Variants in NRP2 observed in about 807,000 individuals in gnomAD.
NRP2 encodes the protein neuropilin-2.
In NRP2, 52 loss-of-function variants were observed where a neutral mutation model predicts 110.4. The ratio of observed to expected loss-of-function variants is 0.47; its 90% CI spans 0.38 to 0.59. NRP2 has a LOEUF of 0.59. Among genes scored for constraint, NRP2 ranks in the 20% least tolerant of loss-of-function variants. The pLI is 0.00. For synonymous variants in NRP2, 508 were observed against 468.9 expected (o/e 1.08, Z -1.08); for missense variants, 1,049 against 1,203.0 (o/e 0.87, Z 1.89).
intron 15 of NRP2, among the ~76,000 whole-genome samples, chr2:205,783,099 A>G (rs1017869450): frequency 1.3e-5 from 2 of 152,126 alleles, no homozygotes; most frequent in African/African-American, 4.8e-5. Context: ...AACCCATGTG[A>G]TCTCTATGCC....
At chr2:205,738,584 C>T (rs907602650) in intron 7 of NRP2, among the ~76,000 whole-genome samples, 1 of 152,170 alleles carries the variant, frequency 6.6e-6, no homozygotes, top group South Asian at 2.1e-4. Flanking sequence ...TGGCCCTAAC[C>T]TTCTTTCCTT....
chr2:205,758,770 TC>T (rs1400545349), intron 12 of NRP2, among the ~76,000 whole-genome samples: 2 of 152,230 alleles, frequency 1.3e-5, no homozygotes, highest in African/African-American at 4.8e-5. Flanking sequence ...ATTGTCTTTT[TC>T]TTGGAAGCTG....
At chr2:205,782,392 A>T (rs146162244) in intron 15 of NRP2, among the ~76,000 whole-genome samples, 1 of 152,336 alleles carries the variant, frequency 6.6e-6, no homozygotes, top group African/African-American at 2.4e-5. Flanking sequence ...CTGATGATAC[A>T]GGGAGGCTGC....
intron 2 of NRP2, among the ~76,000 whole-genome samples, chr2:205,712,523 C>T (rs1210007331): frequency 2.0e-5 from 3 of 152,144 alleles, no homozygotes; most frequent in Non-Finnish European, 4.4e-5. Flanking sequence ...ATTCCAAAGC[C>T]AGAAACTTCC....
At chr2:205,774,518 G>T (rs180719593) in intron 15 of NRP2, among the ~76,000 whole-genome samples, 1 of 152,336 alleles carries the variant, frequency 6.6e-6, no homozygotes, top group Non-Finnish European at 1.5e-5. Context: ...CCTTGTCAAA[G>T]CTCTGCCAAT....
In NRP2 at chr2:205,743,304, G is replaced by A. The variant is rs1204040908; in HGVS notation, c.1393G>A (p.Ala465Thr). 1 of 1,614,176 alleles carries A rather than the reference G, an allele frequency of 6.2e-7. No individual in the cohort carries two copies. The change falls in exon 9 of 17, where the codon GCC becomes ACC. Residue 465 changes from alanine to threonine, a missense_variant. Physicochemically the swap from Ala to Thr is moderately conservative, Grantham distance 58 (BLOSUM62 0). Transcript: ENST00000357785. Reference protein sequence around the residue: ...TQEYLWSPSAARLVSSRSGWF... With the variant: ...TQEYLWSPSATRLVSSRSGWF... The stretch of plus-strand genomic sequence containing the variant: ...GGAATACCTCTGGAGCCCCAGTGCA[G>A]CCCGCCTGGTTAGCAGCCGCTCGGG...
rs2105922835 is a variant in NRP2, at chr2:205,765,555, C to G, written c.2389C>G (p.Leu797Val). 2 of 1,612,962 alleles carry G rather than the reference C, an allele frequency of 1.2e-6. No homozygotes were observed. The highest frequency in any genetic ancestry group is 1.7e-4 in the Middle Eastern group (1 of 6,060). The change falls in exon 14 of 17, where the codon CTG becomes GTG. Residue 797 changes from leucine to valine, a missense_variant. Coordinates refer to ENST00000357785, the MANE Select transcript of NRP2 (RefSeq NM_003872.3). ...CATTCGGATAAGCACTGATGTCCCA[C>G]TGGAGAACTGCATGGGTATGTGAAT... ...DDIRISTDVP[L>V]ENCMEPISAF...
intron 2 of NRP2, among the ~76,000 whole-genome samples, chr2:205,708,875 C>A (rs2056741071): frequency 6.6e-6 from 1 of 152,116 alleles, no homozygotes; most frequent in Non-Finnish European, 1.5e-5. Flanking sequence ...CTGCAAACAG[C>A]CACTATTAAA....
At chr2:205,735,280 G>A (rs1243787042) in intron 7 of NRP2, among the ~76,000 whole-genome samples, 2 of 152,038 alleles carry the variant, frequency 1.3e-5, no homozygotes, top group Non-Finnish European at 2.9e-5. Context: ...AGGCTGCAAA[G>A]CTCACTGTCC....
In NRP2 at chr2:205,776,292, C is replaced by A. The variant is rs2058096650; in HGVS notation, c.2425+9489C>A. ...CCGAGCCCACAGTGGACACGGTGCC[C>A]ATGCAGCCCATCCCAGCCTACTGGT... On this transcript the variant is annotated intron_variant, in intron 15 of 16. Transcript: ENST00000357785. 1.9e-6 allele frequency: 3 copies of A among 1,613,128 alleles called. No individual in the cohort carries two copies. The highest frequency in any genetic ancestry group is 2.5e-6 in the Non-Finnish European group (3 of 1,180,046).
intron 15 of NRP2, among the ~76,000 whole-genome samples, chr2:205,787,765 A>G (rs1286904127): frequency 6.6e-6 from 1 of 151,414 alleles, no homozygotes; most frequent in Non-Finnish European, 1.5e-5. Flanking sequence ...TCAGAGAAAG[A>G]GAGAGTGAGA....
At position 205,686,743 on chromosome 2, in the gene NRP2, G is replaced by C. The variant is rs551537081; in HGVS notation, c.73+3380G>C. ...TATGCGTTGCGGCTTCTGCGGCTCC[G>C]GCTGAATTTCTTCTAAAAGATAGGA... On this transcript the variant is annotated intron_variant, in intron 1 of 16. Transcript: ENST00000357785. This position sits in a 1 kb window ranked among gnomAD's most constrained non-coding sequence, Gnocchi z 4.7. 6.6e-6 allele frequency among the ~76,000 whole-genome samples: 1 copy of C among 152,072 alleles called. No individual in the cohort carries two copies. The highest frequency in any genetic ancestry group is 2.1e-4 in the South Asian group (1 of 4,822).
rs552244255 is a variant in NRP2, at chr2:205,744,860, G to A, written c.1642-886G>A. Among the ~76,000 whole-genome samples the A allele has an allele frequency of 9.2e-5, 14 of 152,316 alleles. No individual in the cohort carries two copies. The East Asian group carries it at 9.7e-4, about 11-fold the overall frequency. ...GCATCGATGGAGCAGAAGTTGGACC[G>A]CAGGCTTCCCCATGGAGAGCTGAGC... On this transcript the variant is annotated intron_variant, in intron 9 of 16. Coordinates refer to ENST00000357785, the MANE Select transcript of NRP2 (RefSeq NM_003872.3).
chr2:205,755,165 C>T (rs2057713874), intron 12 of NRP2, among the ~76,000 whole-genome samples: 1 of 152,174 alleles, frequency 6.6e-6, no homozygotes, highest in Admixed American at 6.5e-5. Flanking sequence ...TTGACCTTTG[C>T]TACTGGTTGG....
intron 1 of NRP2, among the ~76,000 whole-genome samples, chr2:205,695,630 G>A (rs1374035251): frequency 2.0e-5 from 3 of 152,178 alleles, no homozygotes; most frequent in Non-Finnish European, 2.9e-5. Flanking sequence ...TGAGTTGGTG[G>A]CAGGGCTGCA....
chr2:205,698,370 C>G (rs989056777), intron 2 of NRP2, among the ~76,000 whole-genome samples: 12 of 152,128 alleles, frequency 7.9e-5, no homozygotes, highest in Non-Finnish European at 1.5e-4. Flanking sequence ...TTACTTTGCA[C>G]AGTGGGCCCT....
chr2:205,769,505 TACACAC>T (rs56837273), intron 15 of NRP2, among the ~76,000 whole-genome samples: 126 of 145,206 alleles, frequency 8.7e-4, no homozygotes, highest in Middle Eastern at 3.4e-3. Context: ...TATACATACA[TACACAC>T]ACACACACAC....
rs991058870 is a variant in NRP2, at chr2:205,725,070, G to A, written c.821-843G>A. On this transcript the variant is annotated intron_variant, in intron 5 of 16. Coordinates refer to ENST00000357785, the MANE Select transcript of NRP2 (RefSeq NM_003872.3). The surrounding 1 kb of genome is among the most constrained non-coding windows in gnomAD (Gnocchi z 4.1). The stretch of plus-strand genomic sequence containing the variant: ...TCACCATATATATAACTACAGACAC[G>A]GCAGCCTGGCCTGCAGGAAGGTTGC... 4.6e-5 allele frequency among the ~76,000 whole-genome samples: 7 copies of A among 152,132 alleles called. No homozygotes were observed. The highest frequency in any genetic ancestry group is 7.3e-5 in the Non-Finnish European group (5 of 68,032).
chr2:205,782,881 C>T (rs767140843), intron 15 of NRP2, among the ~76,000 whole-genome samples: 20 of 150,764 alleles, frequency 1.3e-4, no homozygotes, highest in Non-Finnish European at 1.6e-4. Context: ...CTATTATAAA[C>T]AATACTGCAA....
Sources: allele counts gnomAD v4.1 joint callset (sites outside exome capture counted in the v4.1 genomes callset), GRCh38; gene constraint gnomAD v4.1.1; non-coding constraint Gnocchi (gnomAD v3.1); transcripts MANE v1.5; gene names NCBI Gene and HGNC (gene_info 2026-07-23, HGNC 2026-07-21).